Variants in KCNAB2 observed in about 807,000 individuals in gnomAD.
KCNAB2 encodes potassium voltage-gated channel subfamily A regulatory beta subunit 2.
KCNAB2 carries 29 observed loss-of-function variants against 63.6 expected under a neutral mutation model. That is an observed-to-expected ratio of 0.46 (90% CI 0.34 to 0.62). KCNAB2 has a LOEUF of 0.62. Among genes scored for constraint, KCNAB2 ranks in the 20% least tolerant of loss-of-function variants. The pLI, the probability that KCNAB2 is intolerant of heterozygous loss-of-function variation, is 0.01. For missense variants in KCNAB2, 359 were observed against 563.9 expected, an observed-to-expected ratio of 0.64 and a Z score of 3.68; for synonymous variants, 222 against 224.2, an observed-to-expected ratio of 0.99 and a Z score of 0.09.
chr1:6,072,185 T>C (rs1414355103), intron 2 of KCNAB2, among the ~76,000 whole-genome samples: 1 of 152,174 alleles, frequency 6.6e-6, no homozygotes, highest in Non-Finnish European at 1.5e-5. Flanking sequence ...GCTCTGCCGC[T>C]GCTGTTGGGC....
At chr1:6,013,831 G>A (rs1033724722) in intron 1 of KCNAB2, among the ~76,000 whole-genome samples, 12 of 152,026 alleles carry the variant, frequency 7.9e-5, no homozygotes, top group African/African-American at 1.2e-4. Context: ...CCCAGCAGTC[G>A]GTTCTCAGTG....
intron 1 of KCNAB2, among the ~76,000 whole-genome samples, chr1:6,002,811 G>A (rs1299261351): frequency 6.6e-6 from 1 of 152,162 alleles, no homozygotes; most frequent in Non-Finnish European, 1.5e-5. Flanking sequence ...GGAAGAGGAG[G>A]CAGGCGCTTC....
At chr1:6,033,339 ATG>A (rs59965594), upstream of KCNAB2, among the ~76,000 whole-genome samples, 10,441 of 145,634 alleles carry the variant, frequency 0.072, 654 homozygotes, top group East Asian at 0.32. Context: ...TGTATTGTGC[ATG>A]TGTGTGTGTG....
Position 6,086,151 on chromosome 1 carries a change from T to C in KCNAB2, c.425+903T>C, listed in dbSNP as rs1427093060. ...CTGTTCCTTAATAAATGCGTCTTTA[T>C]TTTCAGAAACATCAGAAGCAGTTAT... On this transcript the variant is annotated intron_variant, in intron 6 of 15. Coordinates refer to ENST00000378083, the MANE Select transcript of KCNAB2 (RefSeq NM_001199862.2). The surrounding 1 kb of genome is among the most constrained non-coding windows in gnomAD (Gnocchi z 4.2). 1.0e-6 allele frequency: 1 copy of C among 985,258 alleles called. No homozygotes were observed. The highest frequency in any genetic ancestry group is 1.7e-5 in the African/African-American group (1 of 57,218). 61.0% of individuals were successfully genotyped at this position (985,258 alleles called of 1,614,324 possible).
Position 6,087,539 on chromosome 1 carries a change from AG to A in KCNAB2, c.470+29del. 1 of 1,613,308 alleles carries A rather than the reference AG, an allele frequency of 6.2e-7. No homozygotes were observed. The highest frequency in any genetic ancestry group is 2.2e-5 in the East Asian group (1 of 44,852). On this transcript the variant is annotated intron_variant, in intron 7 of 15. Coordinates refer to ENST00000378083, the MANE Select transcript of KCNAB2 (RefSeq NM_001199862.2). The surrounding 1 kb of genome is among the most constrained non-coding windows in gnomAD (Gnocchi z 6.4). Reference sequence around the variant, plus strand: ...AGGTGCAACAGCTGGCGATGCTTCCAGCCCCGGCCCAGCAGCCACGGCCCCG... The same window carrying A: ...AGGTGCAACAGCTGGCGATGCTTCCACCCCGGCCCAGCAGCCACGGCCCCG...
chr1:6,030,927 G>GGTGTGT (rs70981310), upstream of KCNAB2, among the ~76,000 whole-genome samples: 8 of 149,554 alleles, frequency 5.3e-5, 1 homozygote, highest in Middle Eastern at 3.5e-3. Flanking sequence ...TATGTGTAGG[G>GGTGTGT]GTGTGTGTGT....
At chr1:6,025,902 G>GATCCCGGCACACAGCCT (rs1659129847) in intron 1 of KCNAB2, 2 of 141,270 alleles carry the variant, frequency 1.4e-5, no homozygotes, top group African/African-American at 5.1e-5. Context: ...GCACACAGCC[G>GATCCCGGCACACAGCCT]ATCCCGGCAC....
chr1:6,022,124 G>A (rs554962513), intron 1 of KCNAB2, among the ~76,000 whole-genome samples: 38 of 152,014 alleles, frequency 2.5e-4, no homozygotes, highest in African/African-American at 8.4e-4. Flanking sequence ...CAGTGGTATC[G>A]AGTGTGTAGT....
chr1:6,095,753 C>A, intron 13 of KCNAB2, 129 bp downstream of exon 13: 1 of 838,732 alleles, frequency 1.2e-6, no homozygotes, highest in Non-Finnish European at 1.9e-6. Context: ...CCTCGGTCTG[C>A]TGGGGGCGGG....
At chr1:6,067,655 C>G (rs1662867632) in intron 2 of KCNAB2, among the ~76,000 whole-genome samples, 1 of 152,168 alleles carries the variant, frequency 6.6e-6, no homozygotes, top group Middle Eastern at 3.2e-3. Context: ...GTCCAATCCT[C>G]TAAGCTTAAT....
chr1:6,033,971 G>A (rs1659833663), upstream of KCNAB2, among the ~76,000 whole-genome samples: 1 of 152,170 alleles, frequency 6.6e-6, no homozygotes, highest in Non-Finnish European at 1.5e-5. Flanking sequence ...TCCCTGCTTG[G>A]ACCCTGGGCC....
intron 13 of KCNAB2, among the ~76,000 whole-genome samples, chr1:6,095,844 A>G (rs998362028): frequency 1.7e-4 from 26 of 150,068 alleles, no homozygotes; most frequent in African/African-American, 6.1e-4. Flanking sequence ...CACAGGCCCA[A>G]GTGGAGAGGC....
chr1:6,029,281 CAA>C (rs756374657), upstream of KCNAB2, among the ~76,000 whole-genome samples: 63 of 62,678 alleles, frequency 1.0e-3, no homozygotes, highest in East Asian at 0.014. Flanking sequence ...GACTCCATCT[CAA>C]AAAAAAAAAA....
rs550766718 is a variant in KCNAB2, at chr1:6,069,914, G to A, written c.219-2841G>A. Among the ~76,000 whole-genome samples, 19 of 152,240 alleles carry A rather than the reference G, an allele frequency of 1.2e-4. No homozygotes were observed. Among genetic ancestry groups the A allele is most frequent in the Admixed American group, 9.2e-4 (14 of 15,298 alleles). Reference sequence around the variant, plus strand: ...GAGCGGCTGAACCCAGAGCCCACTCGGGGAAGTGGGCCCATTTCCCAACAC... The same window carrying A: ...GAGCGGCTGAACCCAGAGCCCACTCAGGGAAGTGGGCCCATTTCCCAACAC... On this transcript the variant is annotated intron_variant, in intron 2 of 15. Transcript: ENST00000378083. This position sits in a 1 kb window ranked among gnomAD's most constrained non-coding sequence, Gnocchi z 5.4.
chr1:6,005,409 G>A (rs1254947273), intron 1 of KCNAB2, among the ~76,000 whole-genome samples: 2 of 133,046 alleles, frequency 1.5e-5, no homozygotes, highest in African/African-American at 6.1e-5. Flanking sequence ...TGAGCTGAGG[G>A]GTGGGGGTGG....
chr1:6,002,498 C>T (rs914388846), intron 1 of KCNAB2, among the ~76,000 whole-genome samples: 2 of 152,264 alleles, frequency 1.3e-5, no homozygotes, highest in African/African-American at 4.8e-5. Flanking sequence ...TGGCCACAGA[C>T]TCCCTGATGC....
chr1:6,084,795 G>A (rs1233735518), intron 5 of KCNAB2, among the ~76,000 whole-genome samples: 1 of 151,256 alleles, frequency 6.6e-6, no homozygotes, highest in Non-Finnish European at 1.5e-5. Flanking sequence ...CATTGATAGA[G>A]CGAGACTCCA....
chr1:6,009,412 C>G (rs1265722658), intron 1 of KCNAB2, among the ~76,000 whole-genome samples: 2 of 152,156 alleles, frequency 1.3e-5, no homozygotes, highest in Non-Finnish European at 2.9e-5. Context: ...TGTGTGCACA[C>G]GTGTGCATAT....
At chr1:6,077,586 T>C (rs779705127) in intron 4 of KCNAB2, among the ~76,000 whole-genome samples, 10 of 152,162 alleles carry the variant, frequency 6.6e-5, no homozygotes, top group Non-Finnish European at 1.3e-4. Flanking sequence ...GACCACAGGT[T>C]TCTGTGATTG....
Sources: allele counts gnomAD v4.1 joint callset (sites outside exome capture counted in the v4.1 genomes callset), GRCh38; gene constraint gnomAD v4.1.1; non-coding constraint Gnocchi (gnomAD v3.1); transcripts MANE v1.5; gene names NCBI Gene and HGNC (gene_info 2026-07-23, HGNC 2026-07-21).